FMN2: variants seen among roughly 807,000 people sequenced by gnomAD.
FMN2 encodes formin-2.
FMN2 carries 51 observed loss-of-function variants against 142.3 expected under a neutral mutation model. That is an observed-to-expected ratio of 0.36 (90% CI 0.29 to 0.45). The LOEUF (loss-of-function observed/expected upper bound fraction) is 0.45. Ranked by LOEUF, FMN2 falls within the 20% of genes least tolerant of loss-of-function variation. The pLI is 1.00. For synonymous variants in FMN2, 882 were observed against 869.8 expected (o/e 1.01, Z -0.25); for missense variants, 1,936 against 2,122.8 (o/e 0.91, Z 1.73).
In FMN2 at chr1:240,363,836, T is replaced by TCCTGCCTGCC. The variant is rs1558454091; in HGVS notation, c.4858+7928_4858+7929insCCTGCCTGCC. 1.4e-3 allele frequency among the ~76,000 whole-genome samples: 211 copies of TCCTGCCTGCC among 151,834 alleles called. 1 individual carries two copies. Among genetic ancestry groups the TCCTGCCTGCC allele is most frequent in the South Asian group, 8.7e-3 (42 of 4,810 alleles). On this transcript the variant is annotated intron_variant, in intron 14 of 17. Coordinates refer to ENST00000319653, the MANE Select transcript of FMN2 (RefSeq NM_020066.5). ...TTGTCCCCTCTGCCCCCCAGCCTGC[T>TCCTGCCTGCC]TCCTGCCTGATGGCTCAGGTGTCCC...
intron 7 of FMN2, among the ~76,000 whole-genome samples, chr1:240,272,024 A>T (rs1191132992): frequency 2.0e-5 from 3 of 152,168 alleles, no homozygotes; most frequent in Non-Finnish European, 2.9e-5. Flanking sequence ...TACCAAAGCC[A>T]TGAGCTTTGC....
intron 6 of FMN2, among the ~76,000 whole-genome samples, chr1:240,220,363 A>G (rs1667057843): frequency 6.6e-6 from 1 of 152,032 alleles, no homozygotes; most frequent in Non-Finnish European, 1.5e-5. Context: ...CTCTACAACT[A>G]TGTCTATGGC....
In FMN2 at chr1:240,438,059, A is replaced by AG; in HGVS notation, c.4911-1dup. On this transcript the variant is annotated splice_acceptor_variant, in intron 15 of 17. Coordinates refer to ENST00000319653, the MANE Select transcript of FMN2 (RefSeq NM_020066.5). LOFTEE classifies it high-confidence loss of function. The stretch of plus-strand genomic sequence containing the variant: ...TGCTTTTGTGTGTGTATGATTTGAC[A>AG]GCTTTTTGGAGACCACGGCATATTT... The AG allele has an allele frequency of 1.2e-6, 2 of 1,611,236 alleles. No individual in the cohort carries two copies. Among genetic ancestry groups the AG allele is most frequent in the Non-Finnish European group, 1.7e-6 (2 of 1,179,294 alleles).
At chr1:240,190,364 CTT>C (rs1454225274) in intron 4 of FMN2, among the ~76,000 whole-genome samples, 1 of 152,296 alleles carries the variant, frequency 6.6e-6, no homozygotes, top group Non-Finnish European at 1.5e-5. Flanking sequence ...ATCATTAACT[CTT>C]TGTCATACAT....
In FMN2 at chr1:240,170,233, G is replaced by A. The variant is rs935750931; in HGVS notation, c.1783-7688G>A. ...CTGGGAGGCTGGAAAGCCTCTCTCC[G>A]TAGAGGAGATAGAGGTGGCACCCCT... On this transcript the variant is annotated intron_variant, in intron 2 of 17. Transcript: ENST00000319653. 139 of 1,270,754 alleles carry A rather than the reference G, an allele frequency of 1.1e-4. 5 individuals carry two copies. Among genetic ancestry groups the A allele is most frequent in the African/African-American group, 1.8e-4 (12 of 68,136 alleles). 78.7% of individuals were successfully genotyped at this position (1,270,754 alleles called of 1,614,324 possible). A position where few individuals can be genotyped will look rare whatever the true frequency, so the allele number is the denominator to read the frequency against.
chr1:240,359,522 C>G (rs1306287247), intron 14 of FMN2, among the ~76,000 whole-genome samples: 1 of 152,134 alleles, frequency 6.6e-6, no homozygotes, highest in Non-Finnish European at 1.5e-5. Context: ...ATTGTGTGGT[C>G]TGTGGTCCAC....
chr1:240,262,275 G>A (rs2102904437), intron 7 of FMN2, among the ~76,000 whole-genome samples: 1 of 152,004 alleles, frequency 6.6e-6, no homozygotes, highest in Non-Finnish European at 1.5e-5. Flanking sequence ...TACACTCAGG[G>A]CAAAAGCAGT....
chr1:240,451,893 G>A (rs1457588978), intron 16 of FMN2, among the ~76,000 whole-genome samples: 2 of 151,968 alleles, frequency 1.3e-5, no homozygotes, highest in African/African-American at 4.8e-5. Context: ...CATCTAAAGT[G>A]GGCTGCATTT....
chr1:240,099,320 T>TTTTG lies in FMN2; in HGVS notation c.1615+5599_1615+5600insGTTT, dbSNP rs1558294373. Among the ~76,000 whole-genome samples, 941 of 151,334 alleles carry TTTTG rather than the reference T, an allele frequency of 6.2e-3. 8 individuals carry two copies. Among genetic ancestry groups the TTTTG allele is most frequent in the African/African-American group, 0.021 (864 of 40,658 alleles). On this transcript the variant is annotated intron_variant, in intron 1 of 17. Coordinates refer to ENST00000319653, the MANE Select transcript of FMN2 (RefSeq NM_020066.5). ...CCCCAGTTTTGTTTTGTTTTGTTTT[T>TTTTG]TTTTGCAAATTGTTTATGTATTATT...
At chr1:240,456,992 G>A (rs1375784269) in intron 16 of FMN2, among the ~76,000 whole-genome samples, 1 of 152,122 alleles carries the variant, frequency 6.6e-6, no homozygotes, top group Admixed American at 6.5e-5. Flanking sequence ...CCTCTTCATT[G>A]TTCTGGAGTC....
intron 15 of FMN2, among the ~76,000 whole-genome samples, chr1:240,409,411 A>G (rs1038595049): frequency 5.9e-5 from 9 of 152,078 alleles, no homozygotes; most frequent in African/African-American, 1.9e-4. Context: ...CCCAAAGTGC[A>G]GGGATTACAG....
At position 240,234,762 on chromosome 1, in the gene FMN2, G is replaced by A. The variant is rs12089812; in HGVS notation, c.4066-23183G>A. 6.4e-3 allele frequency among the ~76,000 whole-genome samples: 973 copies of A among 152,188 alleles called. 13 individuals carry two copies. Among genetic ancestry groups the A allele is most frequent in the African/African-American group, 0.022 (901 of 41,520 alleles). On this transcript the variant is annotated intron_variant, in intron 6 of 17. Transcript: ENST00000319653. ...CTTCCTGTATTCCCTGTATCCCTGA[G>A]GAAACTAAGGTTTATTCTCTTCATG... is the stretch of plus-strand genomic sequence containing the variant.
chr1:240,433,533 CT>C (rs1344294774), intron 15 of FMN2, among the ~76,000 whole-genome samples: 1 of 152,190 alleles, frequency 6.6e-6, no homozygotes, highest in Non-Finnish European at 1.5e-5. Flanking sequence ...CAACGCAGAG[CT>C]TAGCCCTAAA....
At chr1:240,357,609 G>C (rs1339747604) in intron 14 of FMN2, among the ~76,000 whole-genome samples, 3 of 139,502 alleles carry the variant, frequency 2.2e-5, no homozygotes, top group Non-Finnish European at 4.6e-5. Context: ...CAACCTTACG[G>C]GTTTTTTTTT....
At chr1:240,469,972 C>T (rs1238455548) in intron 16 of FMN2, among the ~76,000 whole-genome samples, 1 of 151,944 alleles carries the variant, frequency 6.6e-6, no homozygotes, top group African/African-American at 2.4e-5. Context: ...TGGTCTCTGC[C>T]ATAAGGAATG....
At chr1:240,367,382 T>C (rs1672707306) in intron 14 of FMN2, among the ~76,000 whole-genome samples, 1 of 152,240 alleles carries the variant, frequency 6.6e-6, no homozygotes, top group Non-Finnish European at 1.5e-5. Context: ...CTTTTCATTT[T>C]TCTTTTGCTG....
chr1:240,184,802 G>A (rs375544903), intron 3 of FMN2, among the ~76,000 whole-genome samples: 1 of 151,868 alleles, frequency 6.6e-6, no homozygotes, highest in African/African-American at 2.4e-5. Flanking sequence ...GGAGCTCTAT[G>A]AAAGTTGGAA....
At chr1:240,360,818 G>T (rs967158721) in intron 14 of FMN2, among the ~76,000 whole-genome samples, 2 of 151,984 alleles carry the variant, frequency 1.3e-5, no homozygotes, top group African/African-American at 4.8e-5. Flanking sequence ...CATGTTCTTC[G>T]TAGGGACGTG....
At chr1:240,120,399 T>C (rs145681770) in intron 1 of FMN2, among the ~76,000 whole-genome samples, 13 of 152,314 alleles carry the variant, frequency 8.5e-5, no homozygotes, top group African/African-American at 2.6e-4. Flanking sequence ...CTAAGATACT[T>C]ACTATTTGGC....
Sources: gnomAD v4.1 joint callset for allele counts (sites outside exome capture counted in the v4.1 genomes callset) on GRCh38, gnomAD v4.1.1 for gene constraint, MANE v1.5 for transcripts, NCBI Gene and HGNC (gene_info 2026-07-23, HGNC 2026-07-21) for gene names.